HMGB1: variants seen among roughly 807,000 people sequenced by gnomAD.
HMGB1 encodes high mobility group box 1.
For synonymous variants in HMGB1, 81 were observed against 84.0 expected, an observed-to-expected ratio of 0.96 and a Z score of 0.19; for missense variants, 79 against 253.5, an observed-to-expected ratio of 0.31 and a Z score of 4.67.
chr13:30,496,938 T>C (rs1819607784), intron 1 of HMGB1, among the ~76,000 whole-genome samples: 1 of 152,098 alleles, frequency 6.6e-6, no homozygotes, highest in Non-Finnish European at 1.5e-5. Flanking sequence ...GCCTCACAAG[T>C]AGTGTCTCTT....
chr13:30,574,888 G>T (rs577205233), intron 1 of HMGB1, among the ~76,000 whole-genome samples: 8 of 152,190 alleles, frequency 5.3e-5, no homozygotes, highest in African/African-American at 1.9e-4. Context: ...AGGAATCCAG[G>T]AATCTAGCTT....
At chr13:30,608,167 A>G (rs941146155) in intron 1 of HMGB1, among the ~76,000 whole-genome samples, 2 of 152,166 alleles carry the variant, frequency 1.3e-5, no homozygotes, top group African/African-American at 4.8e-5. Flanking sequence ...GATGACTGCA[A>G]CCACATAAGA....
rs180838612 is a variant in HMGB1, at chr13:30,554,295, A to G, written c.-15+62376T>C. 3,132 of 1,158,098 alleles carry G rather than the reference A, an allele frequency of 2.7e-3. 8 individuals are homozygous for G. Among genetic ancestry groups the G allele is most frequent in the Non-Finnish European group, 3.7e-3 (2,794 of 764,804 alleles). 71.7% of individuals were successfully genotyped at this position (1,158,098 alleles called of 1,614,324 possible). A position where few individuals can be genotyped will look rare whatever the true frequency, so the allele number is the denominator to read the frequency against. On this transcript the variant is annotated intron_variant, in intron 1 of 4. Transcript: ENST00000405805. Reference sequence around the variant, plus strand: ...GAATCTGGCTCCTTGAACCCTGACCATGGGCCTGCAGTGATCCATTGTAGC... The same window carrying G: ...GAATCTGGCTCCTTGAACCCTGACCGTGGGCCTGCAGTGATCCATTGTAGC...
intron 1 of HMGB1, among the ~76,000 whole-genome samples, chr13:30,471,812 G>T (rs2137420426): frequency 6.6e-6 from 1 of 151,532 alleles, no homozygotes; most frequent in Middle Eastern, 3.4e-3. Context: ...GGGATTACAG[G>T]CACGCACCAC....
intron 1 of HMGB1, among the ~76,000 whole-genome samples, chr13:30,561,110 C>G (rs1036803508): frequency 1.3e-5 from 2 of 151,856 alleles, no homozygotes; most frequent in Non-Finnish European, 2.9e-5. Context: ...CAGAAGGGCT[C>G]TAAGCAGGAG....
chr13:30,465,134 G>T (rs1258883984), intron 1 of HMGB1: 1 of 966,634 alleles, frequency 1.0e-6, no homozygotes, highest in Non-Finnish European at 1.2e-6. Flanking sequence ...AGCCAGCAGC[G>T]CCGGGCCCGA....
intron 1 of HMGB1, among the ~76,000 whole-genome samples, chr13:30,580,976 T>C (rs963117020): frequency 6.6e-6 from 1 of 152,174 alleles, no homozygotes; most frequent in Non-Finnish European, 1.5e-5. Context: ...GGTCTCACTC[T>C]GTCACCTAGG....
chr13:30,490,652 G>A (rs960521907), intron 1 of HMGB1, among the ~76,000 whole-genome samples: 3 of 151,202 alleles, frequency 2.0e-5, no homozygotes, highest in African/African-American at 4.9e-5. Flanking sequence ...GGAATTCGGC[G>A]AATAAAAAAG....
chr13:30,461,412 T>C lies in HMGB1; in HGVS notation c.593A>G (p.Glu198Gly), dbSNP rs1310076149. The change falls in exon 5 of 5, where the codon GAG becomes GGG. Residue 198 changes from glutamate to glycine, a missense_variant. Coordinates refer to ENST00000341423, the MANE Select transcript of HMGB1 (RefSeq NM_002128.7). ...TTCATCTTCTTCATCTTCCTCCTCCTCCTCATCCTCTTCATCTTCCTCATC... is the reference window on the plus strand; with the variant it reads ...TTCATCTTCTTCATCTTCCTCCTCCCCCTCATCCTCTTCATCTTCCTCATC... ...EEDEEDEEDE[E>G]EEEDEEDEDE... 11 of 1,599,014 alleles carry C rather than the reference T, an allele frequency of 6.9e-6. No individual in the cohort carries two copies. The highest frequency in any genetic ancestry group is 9.4e-6 in the Non-Finnish European group (11 of 1,174,800).
upstream of HMGB1, among the ~76,000 whole-genome samples, chr13:30,467,641 C>T (rs1484699924): frequency 1.3e-5 from 2 of 152,192 alleles, no homozygotes; most frequent in Non-Finnish European, 2.9e-5. Context: ...CTTCCCTCTA[C>T]TAATCATTCA....
intron 1 of HMGB1, among the ~76,000 whole-genome samples, chr13:30,610,741 A>C (rs1417254565): frequency 6.6e-6 from 1 of 151,024 alleles, no homozygotes; most frequent in Non-Finnish European, 1.5e-5. Context: ...ACTAAAACAA[A>C]AAAAAAAAAG....
At chr13:30,513,664 C>G (rs759687961) in intron 1 of HMGB1, among the ~76,000 whole-genome samples, 1 of 152,188 alleles carries the variant, frequency 6.6e-6, no homozygotes, top group African/African-American at 2.4e-5. Context: ...ACAGATAACT[C>G]AACTTTAATT....
upstream of HMGB1, among the ~76,000 whole-genome samples, chr13:30,467,873 T>C (rs1221403030): frequency 6.6e-6 from 1 of 152,216 alleles, no homozygotes; most frequent in Admixed American, 6.5e-5. Flanking sequence ...CTATACCAGC[T>C]TGCTCCTGCC....
At chr13:30,515,946 T>C (rs1054188359) in intron 1 of HMGB1, among the ~76,000 whole-genome samples, 2 of 152,216 alleles carry the variant, frequency 1.3e-5, no homozygotes, top group Non-Finnish European at 2.9e-5. Context: ...CCGAGGTCCT[T>C]AGAAACAATG....
intron 1 of HMGB1, among the ~76,000 whole-genome samples, chr13:30,481,473 G>A (rs1887226873): frequency 6.6e-6 from 1 of 152,254 alleles, no homozygotes; most frequent in Non-Finnish European, 1.5e-5. Context: ...TCTATGTCCA[G>A]AAGGAGTAAT....
chr13:30,611,539 A>G (rs758896370), intron 1 of HMGB1, among the ~76,000 whole-genome samples: 2 of 152,228 alleles, frequency 1.3e-5, no homozygotes, highest in Non-Finnish European at 2.9e-5. Context: ...AGACTGAAGT[A>G]AAAATTCACC....
intron 1 of HMGB1, chr13:30,554,454 C>T: frequency 1.0e-6 from 1 of 967,080 alleles, no homozygotes; most frequent in Non-Finnish European, 1.7e-6. Context: ...ATTCAGACCC[C>T]AGATCAACTG....
intron 1 of HMGB1, among the ~76,000 whole-genome samples, chr13:30,560,653 G>A (rs982051356): frequency 2.0e-5 from 3 of 152,178 alleles, no homozygotes; most frequent in Admixed American, 2.0e-4. Flanking sequence ...GGGAAGGCTT[G>A]GGGTTGGGCT....
At chr13:30,612,066 T>C (rs1458600745) in intron 1 of HMGB1, among the ~76,000 whole-genome samples, 2 of 152,048 alleles carry the variant, frequency 1.3e-5, no homozygotes, top group African/African-American at 2.4e-5. Flanking sequence ...AGGCACTATA[T>C]AGATGATGGT....
Sources: allele counts gnomAD v4.1 joint callset (sites outside exome capture counted in the v4.1 genomes callset), GRCh38; gene constraint gnomAD v4.1.1; transcripts MANE v1.5; gene names NCBI Gene and HGNC (gene_info 2026-07-23, HGNC 2026-07-21).